PRKDC: variants seen among roughly 807,000 people sequenced by gnomAD.
PRKDC encodes the protein protein kinase, DNA-activated, catalytic subunit.
In PRKDC, 82 loss-of-function variants were observed where a neutral mutation model predicts 486.9. The observed-to-expected ratio is 0.17, with a 90% CI of 0.14 to 0.20. The LOEUF (loss-of-function observed/expected upper bound fraction) is 0.20. Among genes scored for constraint, PRKDC ranks in the 10% least tolerant of loss-of-function variants. PRKDC has a pLI of 1.00. For missense variants in PRKDC, 4,504 were observed against 5,038.2 expected (o/e 0.89, Z 3.21); for synonymous variants, 1,895 against 1,837.0 (o/e 1.03, Z -0.81).
intron 54 of PRKDC, among the ~76,000 whole-genome samples, chr8:47,841,626 T>C (rs561724163): frequency 2.3e-4 from 35 of 152,246 alleles, no homozygotes; most frequent in Non-Finnish European, 3.2e-4. Context: ...AGAGCTGAGA[T>C]CTGTGGCCAG....
intron 72 of PRKDC, among the ~76,000 whole-genome samples, chr8:47,798,635 A>G (rs1177619060): frequency 1.3e-5 from 2 of 152,160 alleles, no homozygotes; most frequent in East Asian, 3.8e-4. Flanking sequence ...TGGGCTGGGA[A>G]CATAAGGGGC....
chr8:47,932,976 G>A (rs934402168), intron 16 of PRKDC, 44 bp downstream of exon 16: 3 of 1,494,662 alleles, frequency 2.0e-6, no homozygotes, highest in Admixed American at 2.2e-5. Context: ...AAAGACAGCT[G>A]ATACAAAAAT....
intron 54 of PRKDC, among the ~76,000 whole-genome samples, chr8:47,846,271 C>A (rs1317840491): frequency 1.3e-5 from 2 of 151,952 alleles, no homozygotes; most frequent in African/African-American, 2.4e-5. Context: ...CAAAAATTAG[C>A]CAGGCATGGT....
intron 80 of PRKDC, among the ~76,000 whole-genome samples, chr8:47,780,878 C>T (rs1390395248): frequency 6.6e-6 from 1 of 151,988 alleles, no homozygotes; most frequent in Non-Finnish European, 1.5e-5. Flanking sequence ...GCGGAGACCA[C>T]AGTGAGCCGA....
intron 7 of PRKDC, among the ~76,000 whole-genome samples, chr8:47,947,066 T>C (rs2090545259): frequency 1.3e-5 from 2 of 152,144 alleles, no homozygotes. Context: ...CCTGGCCCAC[T>C]TTGTGTACCT....
intron 41 of PRKDC, among the ~76,000 whole-genome samples, chr8:47,864,257 G>A (rs565593188): frequency 3.9e-5 from 6 of 152,242 alleles, no homozygotes; most frequent in African/African-American, 9.6e-5. Flanking sequence ...CCCTAGGACC[G>A]CCAGGAACAG....
chr8:47,897,668 CCCTACCCCAGGGG>C (rs1222431947), intron 29 of PRKDC, among the ~76,000 whole-genome samples: 1 of 152,190 alleles, frequency 6.6e-6, no homozygotes, highest in East Asian at 1.9e-4. Flanking sequence ...AATTATCTGG[CCCTACCCCAGGGG>C]TACACAGAAA....
In PRKDC at chr8:47,849,174, G is replaced by C; in HGVS notation, c.7260C>G (p.Phe2420Leu). The C allele has an allele frequency of 6.2e-7, 1 of 1,613,994 alleles. No homozygotes were observed. The change falls in exon 54 of 86, where the codon TTC becomes TTG. Residue 2420 changes from phenylalanine to leucine, a missense_variant. By Grantham distance (22) the Phe-to-Leu change is conservative (BLOSUM62 0). Coordinates refer to ENST00000314191, the MANE Select transcript of PRKDC (RefSeq NM_006904.7). The part of the protein sequence containing the change: ...ELYFQLKSKD[F>L]VQVMRHRDDE... ...CTCACCTATGTCTCATGACTTGAAC[G>C]AAGTCCTTGCTCTTTAACTGGAAGT... is the stretch of plus-strand genomic sequence containing the variant.
chr8:47,777,992 G>A (rs946664295), intron 83 of PRKDC, 118 bp from the exon 84 acceptor site: 2 of 968,792 alleles, frequency 2.1e-6, no homozygotes, highest in Non-Finnish European at 3.1e-6. Context: ...TACAGACTCT[G>A]CTTCCCTTGA....
chr8:47,953,484 C>T (rs1589817600), intron 7 of PRKDC, 136 bp downstream of exon 7: 2 of 852,324 alleles, frequency 2.3e-6, no homozygotes, highest in East Asian at 2.7e-5. Flanking sequence ...TCGGGAGGGC[C>T]CACAGGTCCC....
At chr8:47,887,899 A>C (rs1253413752) in intron 34 of PRKDC, among the ~76,000 whole-genome samples, 194 bp from the exon 35 acceptor site, 2 of 152,202 alleles carry the variant, frequency 1.3e-5, no homozygotes, top group African/African-American at 4.8e-5. Context: ...TCTGTCGCCC[A>C]GGCTGGAGTG....
intron 40 of PRKDC, among the ~76,000 whole-genome samples, chr8:47,870,265 A>C (rs968673972): frequency 6.6e-6 from 1 of 152,128 alleles, no homozygotes; most frequent in Admixed American, 6.5e-5. Flanking sequence ...TTCAGGTCTG[A>C]CCTCATGCAG....
At chr8:47,911,927 G>A (rs148485593) in intron 25 of PRKDC, among the ~76,000 whole-genome samples, 1 of 151,952 alleles carries the variant, frequency 6.6e-6, no homozygotes, top group East Asian at 1.9e-4. Flanking sequence ...GCACCACCAC[G>A]CCTAGATAAA....
rs192142982 is a variant in PRKDC at position 47,847,288 on chromosome 8, A to G, written c.7280+1866T>C. ...AACAGCATGGTACTGGTCGGGGGAAAAAACAAAATACAAAAAAACACAGAC... is the reference window on the plus strand; with the variant it reads ...AACAGCATGGTACTGGTCGGGGGAAGAAACAAAATACAAAAAAACACAGAC... On this transcript the variant is annotated intron_variant, in intron 54 of 85. Transcript: ENST00000314191. 5.3e-5 allele frequency among the ~76,000 whole-genome samples: 8 copies of G among 152,276 alleles called. No individual in the cohort carries two copies. The East Asian group carries it at 1.5e-3, about 29-fold the overall frequency.
In PRKDC at chr8:47,828,231, T is replaced by C. The variant is rs773918152; in HGVS notation, c.8514A>G (p.Gln2838=). The C allele has an allele frequency of 2.5e-6, 4 of 1,613,718 alleles. No individual in the cohort carries two copies. The African/African-American group carries it at 5.3e-5, about 22-fold the overall frequency. Residue 2838 remains glutamine (Q), a synonymous_variant, in exon 62 of 86, where the codon CAA becomes CAG. Transcript: ENST00000314191. ...EKNNITQKLL[Q]DFNRFLNTTF... ...TGGTATTAAGAAAACGATTGAAGTCTTGAAGCAACTTTTGAGTGATGTTGT... is the reference window on the plus strand; with the variant it reads ...TGGTATTAAGAAAACGATTGAAGTCCTGAAGCAACTTTTGAGTGATGTTGT...
chr8:47,950,498 G>A (rs1288182198), intron 7 of PRKDC, among the ~76,000 whole-genome samples: 1 of 145,802 alleles, frequency 6.9e-6, no homozygotes, highest in African/African-American at 2.5e-5. Flanking sequence ...GCGTGGTGGC[G>A]GGTGCCTGTA....
At position 47,823,870 on chromosome 8, in the gene PRKDC, C is replaced by A; in HGVS notation, c.8910G>T (p.Lys2970Asn). ...AGATCAATTTTACCTCATCATACTG[C>A]TTAGCAGCTTCAGAATAATCACTTC... ...EARSDYSEAA[K>N]QYDEALNKQD... Residue 2970 changes from lysine (K) to asparagine (N), a missense_variant, in exon 64 of 86, where the codon AAG (lysine) becomes AAT (asparagine). Around this residue, in one of 6 missense-constraint regions of PRKDC, gnomAD observed 1,592 missense variants for 1,724.6 expected, o/e 0.92. Coordinates refer to ENST00000314191, the MANE Select transcript of PRKDC (RefSeq NM_006904.7). 1 of 1,613,772 alleles carries A rather than the reference C, an allele frequency of 6.2e-7. No individual in the cohort carries two copies. Among genetic ancestry groups the A allele is most frequent in the Non-Finnish European group, 8.5e-7 (1 of 1,179,798 alleles).
In PRKDC at chr8:47,943,487, A is replaced by G. The variant is rs1031701888; in HGVS notation, c.809-121T>C. The G allele has an allele frequency of 4.9e-6, 5 of 1,018,902 alleles. No homozygotes were observed. In the Admixed American group the frequency reaches 1.2e-4, roughly 25 times the overall value. 63.1% of individuals were successfully genotyped at this position (1,018,902 alleles called of 1,614,324 possible). On this transcript the variant is annotated intron_variant, in intron 9 of 85. Transcript: ENST00000314191. ...GCTCAGGAAGATCTAGTACCATTAC[A>G]CTACAGTAACCCAGGGATTCCTGTC...
chr8:47,843,373 C>A (rs920893903), intron 54 of PRKDC, among the ~76,000 whole-genome samples: 1 of 152,054 alleles, frequency 6.6e-6, no homozygotes, highest in Non-Finnish European at 1.5e-5. Flanking sequence ...TAAATAAAAT[C>A]TCTAAAAAAT....
Sources: allele counts gnomAD v4.1 joint callset (sites outside exome capture counted in the v4.1 genomes callset), GRCh38; gene constraint gnomAD v4.1.1; regional missense constraint gnomAD v4.1.1; transcripts MANE v1.5; gene names NCBI Gene and HGNC (gene_info 2026-07-23, HGNC 2026-07-21).